The following PCLO variants were observed in gnomAD, a reference collection of about 807,000 sequenced individuals.
PCLO encodes protein piccolo.
Under a neutral mutation model 427.5 loss-of-function variants are expected in PCLO, and 82 were observed. The observed-to-expected ratio is 0.19, with a 90% CI of 0.16 to 0.23. The LOEUF is 0.23. Ranked by LOEUF, PCLO falls within the 10% of genes least tolerant of loss-of-function variation. The pLI is 1.00. For synonymous variants in PCLO, 2,357 were observed against 2,155.4 expected, an observed-to-expected ratio of 1.09 and a Z score of -2.59; for missense variants, 6,239 against 6,115.9, an observed-to-expected ratio of 1.02 and a Z score of -0.67.
At chr7:82,907,186 C>T (rs972641150) in intron 8 of PCLO, among the ~76,000 whole-genome samples, 4 of 152,068 alleles carry the variant, frequency 2.6e-5, no homozygotes, top group African/African-American at 9.6e-5. Context: ...AAAGACTATT[C>T]TCAGTGCCCG....
chr7:82,974,342 C>A (rs1039216029), intron 3 of PCLO, among the ~76,000 whole-genome samples: 1 of 152,148 alleles, frequency 6.6e-6, no homozygotes, highest in Non-Finnish European at 1.5e-5. Context: ...GTTGAGATCA[C>A]GCCACTGTGT....
intron 3 of PCLO, among the ~76,000 whole-genome samples, chr7:83,128,465 ACT>A (rs1791494431): frequency 6.6e-6 from 1 of 152,144 alleles, no homozygotes; most frequent in Non-Finnish European, 1.5e-5. Context: ...GTGACCAGTG[ACT>A]ATTATTTCAG....
At chr7:83,108,003 A>G (rs57089846) in intron 3 of PCLO, among the ~76,000 whole-genome samples, 29 of 125,992 alleles carry the variant, frequency 2.3e-4, no homozygotes, top group Admixed American at 5.7e-4. Context: ...AAAAAAAAAA[A>G]AAAAAAAAAG....
intron 3 of PCLO, among the ~76,000 whole-genome samples, chr7:83,086,707 T>C (rs147852301): frequency 1.1e-4 from 17 of 152,212 alleles, no homozygotes; most frequent in African/African-American, 2.9e-4. Flanking sequence ...AATCCTTTGA[T>C]TGAATAATTC....
intron 6 of PCLO, among the ~76,000 whole-genome samples, chr7:82,942,660 T>G (rs1795112352): frequency 6.6e-6 from 1 of 152,144 alleles, no homozygotes; most frequent in African/African-American, 2.4e-5. Flanking sequence ...TCTTTCCAAT[T>G]ACTAATGACC....
rs560377335 is a variant in PCLO at position 83,136,047 on chromosome 7, G to A, written c.1894-391C>T. 9.7e-3 allele frequency among the ~76,000 whole-genome samples: 1,468 copies of A among 151,808 alleles called. 12 individuals carry two copies. The highest frequency in any genetic ancestry group is 0.017 in the Middle Eastern group (5 of 294). On this transcript the variant is annotated intron_variant, in intron 2 of 24. Coordinates refer to ENST00000333891, the MANE Select transcript of PCLO (RefSeq NM_033026.6). ...CAGGAGGCTGAGGTTGCAGTGAGCC[G>A]AGATCGCGCCATTGCACTCCAACCT... is the stretch of plus-strand genomic sequence containing the variant.
At chr7:82,781,017 T>G (rs902552388) in intron 22 of PCLO, among the ~76,000 whole-genome samples, 16 of 152,008 alleles carry the variant, frequency 1.1e-4, no homozygotes, top group Non-Finnish European at 1.2e-4. Context: ...ATGAGTTTTC[T>G]GAGAAAGAGG....
chr7:83,087,503 T>C (rs972010606), intron 3 of PCLO, among the ~76,000 whole-genome samples: 3 of 152,192 alleles, frequency 2.0e-5, no homozygotes, highest in Non-Finnish European at 4.4e-5. Flanking sequence ...ATAAAATGAA[T>C]TCTTAAACTA....
At chr7:82,816,379 C>T (rs1402560919) in intron 20 of PCLO, among the ~76,000 whole-genome samples, 6 of 151,968 alleles carry the variant, frequency 3.9e-5, no homozygotes, top group Admixed American at 6.6e-5. Flanking sequence ...AGTTGCCTGC[C>T]CCATGCTCTT....
intron 3 of PCLO, among the ~76,000 whole-genome samples, chr7:83,093,941 C>T (rs1008715945): frequency 1.3e-5 from 2 of 150,840 alleles, no homozygotes; most frequent in African/African-American, 4.9e-5. Context: ...CATTTCCTCC[C>T]AATAATATCT....
intron 12 of PCLO, among the ~76,000 whole-genome samples, chr7:82,846,135 T>C (rs1792495271): frequency 6.6e-6 from 1 of 152,150 alleles, no homozygotes; most frequent in South Asian, 2.1e-4. Flanking sequence ...ATGTTGATTT[T>C]TGTTTACTAT....
chr7:83,092,826 G>A (rs534774460), intron 3 of PCLO, among the ~76,000 whole-genome samples: 73 of 151,662 alleles, frequency 4.8e-4, no homozygotes, highest in African/African-American at 1.5e-3. Context: ...GAGTGCCTGA[G>A]ATCCCAGCTA....
chr7:82,801,529 GCTAGTCCTACTC>G lies in PCLO; in HGVS notation c.14984_14995del (p.Gly4995_Leu4998del). On this transcript the variant is annotated inframe_deletion, in exon 22 of 25. Transcript: ENST00000333891. Reference sequence around the variant, plus strand: ...AAATTTTTACTTACCTTCAGTGTCTGCTAGTCCTACTCCTACCCCTGGCTGTTTTACAGGCTC... The same window carrying G: ...AAATTTTTACTTACCTTCAGTGTCTGCTACCCCTGGCTGTTTTACAGGCTC... 6.4e-7 allele frequency: 1 copy of G among 1,572,816 alleles called. No homozygotes were observed. Among genetic ancestry groups the G allele is most frequent in the South Asian group, 1.1e-5 (1 of 90,230 alleles).
At chr7:83,128,581 A>G (rs1791497882) in intron 3 of PCLO, among the ~76,000 whole-genome samples, 1 of 152,124 alleles carries the variant, frequency 6.6e-6, no homozygotes, top group Non-Finnish European at 1.5e-5. Context: ...CCTATGGCCC[A>G]ATAATTCAAT....
chr7:82,819,004 T>G (rs1791734872), intron 20 of PCLO, among the ~76,000 whole-genome samples: 1 of 152,220 alleles, frequency 6.6e-6, no homozygotes. Flanking sequence ...TTTTTATATG[T>G]TTGTATCTCT....
At chr7:82,827,987 G>C (rs936486311) in intron 16 of PCLO, 21 bp from the exon 17 acceptor site, 9 of 1,351,696 alleles carry the variant, frequency 6.7e-6, no homozygotes, top group East Asian at 2.3e-5. Context: ...AGAAAAGAAA[G>C]AGTTATCTTG....
At chr7:82,863,770 G>T (rs1013331968) in intron 10 of PCLO, among the ~76,000 whole-genome samples, 1 of 151,890 alleles carries the variant, frequency 6.6e-6, no homozygotes, top group Admixed American at 6.6e-5. Context: ...AAAAGTAATG[G>T]CAATATAGTT....
intron 3 of PCLO, among the ~76,000 whole-genome samples, chr7:82,993,010 A>G (rs1024836097): frequency 6.6e-6 from 1 of 152,060 alleles, no homozygotes; most frequent in Non-Finnish European, 1.5e-5. Flanking sequence ...TATTGTCTCT[A>G]TACATACATG....
At chr7:82,820,956 C>G in intron 20 of PCLO, 1 of 1,228,756 alleles carries the variant, frequency 8.1e-7, no homozygotes, top group African/African-American at 1.6e-5. Flanking sequence ...TTGGGACTTA[C>G]ATGGTGATGA....
Sources: allele counts gnomAD v4.1 joint callset (sites outside exome capture counted in the v4.1 genomes callset), GRCh38; gene constraint gnomAD v4.1.1; transcripts MANE v1.5; gene names NCBI Gene and HGNC (gene_info 2026-07-23, HGNC 2026-07-21).